The following LRP1B variants were observed in gnomAD, a reference collection of about 807,000 sequenced individuals.
LRP1B encodes LDL receptor related protein 1B.
LRP1B carries 217 observed loss-of-function variants against 556.6 expected under a neutral mutation model. That is an observed-to-expected ratio of 0.39 (90% CI 0.35 to 0.44). The LOEUF (loss-of-function observed/expected upper bound fraction) is 0.44. Ranked by LOEUF, LRP1B falls within the 20% of genes least tolerant of loss-of-function variation. The pLI is 1.00. For missense variants in LRP1B, 5,053 were observed against 5,620.8 expected, an observed-to-expected ratio of 0.90 and a Z score of 3.23; for synonymous variants, 2,047 against 1,865.8, an observed-to-expected ratio of 1.10 and a Z score of -2.50.
At chr2:140,654,660 A>T (rs1457487833) in intron 41 of LRP1B, among the ~76,000 whole-genome samples, 1 of 152,154 alleles carries the variant, frequency 6.6e-6, no homozygotes, top group Non-Finnish European at 1.5e-5. Context: ...TTTCCCCGAT[A>T]ACACAGACTG....
rs534967525 is a variant in LRP1B at position 140,315,412 on chromosome 2, A to T, written c.12641-313T>A. ...TCTAAAAGTAATATATTTTCATCTT[A>T]TTTCTTTTTTATTTTACTGAGACAG... On this transcript the variant is annotated intron_variant, in intron 82 of 90. Coordinates refer to ENST00000389484, the MANE Select transcript of LRP1B (RefSeq NM_018557.3). Among the ~76,000 whole-genome samples the T allele has an allele frequency of 4.6e-5, 7 of 152,108 alleles. No individual in the cohort carries two copies. In the East Asian group the frequency reaches 1.4e-3, roughly 29 times the overall value.
chr2:141,340,000 T>G (rs1466279968), intron 3 of LRP1B, among the ~76,000 whole-genome samples: 1 of 152,168 alleles, frequency 6.6e-6, no homozygotes, highest in East Asian at 1.9e-4. Flanking sequence ...GTGTACCCAC[T>G]GTTTAGCTCC....
chr2:140,723,643 TA>T (rs1219284497), intron 35 of LRP1B, among the ~76,000 whole-genome samples: 1 of 152,232 alleles, frequency 6.6e-6, no homozygotes, highest in African/African-American at 2.4e-5. Flanking sequence ...TAAAATTCTG[TA>T]ACTGTAAATT....
intron 7 of LRP1B, among the ~76,000 whole-genome samples, chr2:141,102,451 G>A (rs934805935): frequency 6.6e-6 from 1 of 151,970 alleles, no homozygotes; most frequent in African/African-American, 2.4e-5. Flanking sequence ...TTATTGCAGC[G>A]ACAAACATAA....
chr2:140,683,633 G>A (rs1409540764), intron 41 of LRP1B: 1 of 698,084 alleles, frequency 1.4e-6, no homozygotes, highest in African/African-American at 1.8e-5. Flanking sequence ...TCAGCTCCCA[G>A]GTATTCCATC....
At position 141,229,436 on chromosome 2, in the gene LRP1B, A is replaced by T. The variant is rs769994467; in HGVS notation, c.597T>A (p.Pro199=). 6.4e-7 allele frequency: 1 copy of T among 1,551,426 alleles called. No individual in the cohort carries two copies. Among genetic ancestry groups the T allele is most frequent in the Admixed American group, 1.8e-5 (1 of 54,590 alleles). Reference sequence around the variant, plus strand: ...TTAATAGTATAGGTGGTCTATCTGTAGGTTCTGGAATAAAATAGAAAAAGA... The same window carrying T: ...TTAATAGTATAGGTGGTCTATCTGTTGGTTCTGGAATAAAATAGAAAAAGA... ...DNRSCKAKIE[P]TDRPPILLIA... The change falls in exon 6 of 91, where the codon CCT becomes CCA. Residue 199 remains proline, a synonymous_variant. Coordinates refer to ENST00000389484, the MANE Select transcript of LRP1B (RefSeq NM_018557.3).
At chr2:140,846,821 A>G (rs1692288136) in intron 29 of LRP1B, among the ~76,000 whole-genome samples, 2 of 152,292 alleles carry the variant, frequency 1.3e-5, no homozygotes, top group South Asian at 4.1e-4. Flanking sequence ...AAAGGATAAA[A>G]CAAAGTACAA....
intron 32 of LRP1B, among the ~76,000 whole-genome samples, chr2:140,780,176 C>T (rs191814590): frequency 7.2e-5 from 11 of 152,086 alleles, no homozygotes; most frequent in African/African-American, 2.2e-4. Context: ...GTAGGAGTGG[C>T]GATAGAAAGA....
intron 6 of LRP1B, among the ~76,000 whole-genome samples, chr2:141,195,598 C>G (rs62174287): frequency 0.093 from 14,181 of 152,154 alleles, 715 homozygotes; most frequent in South Asian, 0.13. Context: ...AACAAGACTG[C>G]CTACGCCAAT....
chr2:141,886,348 T>C (rs1349919262), intron 1 of LRP1B, among the ~76,000 whole-genome samples: 1 of 152,196 alleles, frequency 6.6e-6, no homozygotes, highest in Non-Finnish European at 1.5e-5. Flanking sequence ...GTTTACACTT[T>C]TAAAAATTAT....
chr2:140,267,511 AGTT>A (rs1682261620), intron 86 of LRP1B, among the ~76,000 whole-genome samples: 1 of 151,970 alleles, frequency 6.6e-6, no homozygotes, highest in Non-Finnish European at 1.5e-5. Context: ...CTATGTAAAT[AGTT>A]GTTTTACTGT....
chr2:140,550,475 A>G (rs114079361), intron 43 of LRP1B, among the ~76,000 whole-genome samples: 1,941 of 152,256 alleles, frequency 0.013, 30 homozygotes, highest in African/African-American at 0.043. Context: ...TCTGTAATAT[A>G]TTAGAACATC....
At chr2:141,765,866 C>A (rs1195978652) in intron 2 of LRP1B, among the ~76,000 whole-genome samples, 1 of 152,210 alleles carries the variant, frequency 6.6e-6, no homozygotes, top group African/African-American at 2.4e-5. Context: ...AACTCTACCT[C>A]TGACTTCGAA....
chr2:141,035,980 A>G (rs1319807713), intron 11 of LRP1B, among the ~76,000 whole-genome samples: 1 of 152,140 alleles, frequency 6.6e-6, no homozygotes, highest in African/African-American at 2.4e-5. Context: ...ATTTGCACTC[A>G]TGAACTATAA....
chr2:141,577,859 A>C (rs1203816374), intron 2 of LRP1B, among the ~76,000 whole-genome samples: 2 of 152,200 alleles, frequency 1.3e-5, no homozygotes, highest in African/African-American at 4.8e-5. Context: ...TATCACTGTC[A>C]TGCTTACTTT....
At position 141,049,201 on chromosome 2, in the gene LRP1B, A is replaced by G. The variant is rs760668665; in HGVS notation, c.1574T>C (p.Leu525Pro). The G allele has an allele frequency of 6.2e-7, 1 of 1,612,474 alleles. No homozygotes were observed. Among genetic ancestry groups the G allele is most frequent in the Non-Finnish European group, 8.5e-7 (1 of 1,178,740 alleles). ...TCCTGGGCGTCCTTTCCCATAAAAG[A>G]GGAACAACTCATTCTTTGGTCCTGC... is the stretch of plus-strand genomic sequence containing the variant. ...SCKRPKNELF[L>P]FYGKGRPGIV... The change falls in exon 11 of 91, where the codon CTC (leucine) becomes CCC (proline). Residue 525 changes from leucine (L) to proline (P), a missense_variant. Leu to Pro is a moderately conservative substitution (Grantham distance 98, BLOSUM62 -3). This residue lies in a region of LRP1B where 3,619 missense variants were observed against 3,931.9 expected (regional missense o/e 0.92). Coordinates refer to ENST00000389484, the MANE Select transcript of LRP1B (RefSeq NM_018557.3).
At chr2:140,365,613 T>A (rs1304719328) in intron 71 of LRP1B, among the ~76,000 whole-genome samples, 1 of 151,604 alleles carries the variant, frequency 6.6e-6, no homozygotes, top group Non-Finnish European at 1.5e-5. Flanking sequence ...GGACTCAATG[T>A]TTTTATATGT....
At chr2:140,866,758 G>C (rs575161186) in intron 27 of LRP1B, among the ~76,000 whole-genome samples, 7 of 152,194 alleles carry the variant, frequency 4.6e-5, no homozygotes, top group African/African-American at 1.7e-4. Flanking sequence ...GTCAACCAGA[G>C]AGGTAATTGG....
At chr2:140,558,942 G>GAA (rs371518136) in intron 43 of LRP1B, among the ~76,000 whole-genome samples, 23 of 110,598 alleles carry the variant, frequency 2.1e-4, no homozygotes, top group African/African-American at 6.1e-4. Flanking sequence ...TCTCCAAAAG[G>GAA]AAAAAAAAAA....
Sources: gnomAD v4.1 joint callset for allele counts (sites outside exome capture counted in the v4.1 genomes callset) on GRCh38, gnomAD v4.1.1 for gene constraint, gnomAD v4.1.1 regional missense constraint, MANE v1.5 for transcripts, NCBI Gene and HGNC (gene_info 2026-07-23, HGNC 2026-07-21) for gene names.